Variants in APBB2 observed in about 807,000 individuals in gnomAD.
APBB2 encodes amyloid beta precursor protein binding family B member 2.
In APBB2, 38 loss-of-function variants were observed where a neutral mutation model predicts 82.5. The ratio of observed to expected loss-of-function variants is 0.46; its 90% CI spans 0.36 to 0.60. The LOEUF is 0.60. Ranked by LOEUF, APBB2 falls within the 20% of genes least tolerant of loss-of-function variation. The pLI is 0.00. For missense variants in APBB2, 772 were observed against 972.3 expected, an observed-to-expected ratio of 0.79 and a Z score of 2.74; for synonymous variants, 341 against 368.2, an observed-to-expected ratio of 0.93 and a Z score of 0.85.
intron 12 of APBB2, among the ~76,000 whole-genome samples, chr4:40,850,937 C>A (rs1021368394): frequency 2.0e-5 from 3 of 152,162 alleles, no homozygotes; most frequent in South Asian, 4.2e-4. Context: ...CTGAGTGAGA[C>A]CCCGTCTCAA....
chr4:41,138,423 G>T (rs752556767), intron 2 of APBB2, among the ~76,000 whole-genome samples: 1 of 152,058 alleles, frequency 6.6e-6, no homozygotes, highest in Non-Finnish European at 1.5e-5. Context: ...TTGTTGGGGG[G>T]AAAGACACCA....
intron 6 of APBB2, among the ~76,000 whole-genome samples, chr4:40,992,681 G>T (rs872179): frequency 0.42 from 64,019 of 151,826 alleles, 13,988 homozygotes; most frequent in East Asian, 0.67. Context: ...GAAGTAACGC[G>T]GGAAGTATGA....
chr4:41,191,879 C>T (rs1774538912), intron 1 of APBB2, among the ~76,000 whole-genome samples: 1 of 152,256 alleles, frequency 6.6e-6, no homozygotes, highest in South Asian at 2.1e-4. Flanking sequence ...AAACCATATA[C>T]CTAATATGGC....
chr4:40,926,682 A>T (rs1041959232), intron 10 of APBB2, among the ~76,000 whole-genome samples: 1 of 152,102 alleles, frequency 6.6e-6, no homozygotes, highest in African/African-American at 2.4e-5. Context: ...CGAAATCTTG[A>T]CCTCAGGTGA....
chr4:41,187,182 T>C (rs1388377865), intron 1 of APBB2, among the ~76,000 whole-genome samples: 1 of 152,196 alleles, frequency 6.6e-6, no homozygotes, highest in Non-Finnish European at 1.5e-5. Context: ...AGATCTCAGG[T>C]AGCAAAAGGC....
chr4:40,980,905 C>G (rs982322289), intron 6 of APBB2, among the ~76,000 whole-genome samples: 1 of 152,162 alleles, frequency 6.6e-6, no homozygotes, highest in African/African-American at 2.4e-5. Flanking sequence ...GAGAGAACCA[C>G]CTGCATTAGA....
intron 10 of APBB2, among the ~76,000 whole-genome samples, chr4:40,916,571 T>C (rs969085235): frequency 1.3e-5 from 2 of 152,178 alleles, no homozygotes; most frequent in Admixed American, 6.5e-5. Flanking sequence ...ACTTATGTGG[T>C]TGGATTTTGT....
chr4:41,174,198 CTGAGA>C (rs1274972939), intron 1 of APBB2, among the ~76,000 whole-genome samples: 4 of 152,200 alleles, frequency 2.6e-5, no homozygotes, highest in Non-Finnish European at 5.9e-5. Flanking sequence ...GAATCAACTA[CTGAGA>C]TTTCTTAAGA....
chr4:40,825,910 A>G lies in APBB2; in HGVS notation c.1793T>C (p.Met598Thr), dbSNP rs766764491. The change falls in exon 15 of 18, where the codon ATG (methionine) becomes ACG (threonine). Residue 598 changes from methionine (M) to threonine (T), a missense_variant. By Grantham distance (81) the Met-to-Thr change is moderately conservative (BLOSUM62 -1). Transcript: ENST00000508593. The stretch of plus-strand genomic sequence containing the variant: ...ACCGACTGGTTTGTCTACAGGTAAC[A>G]TGCCCAAGTACTGCACGTGGAACTT... ...VQKFHVQYLG[M>T]LPVDKPVGMD... The G allele has an allele frequency of 1.5e-5, 24 of 1,613,984 alleles. No homozygotes were observed. Among genetic ancestry groups the G allele is most frequent in the African/African-American group, 4.0e-5 (3 of 74,922 alleles).
intron 1 of APBB2, among the ~76,000 whole-genome samples, chr4:41,200,645 C>T (rs1042129646): frequency 2.0e-5 from 3 of 152,118 alleles, no homozygotes; most frequent in Admixed American, 6.5e-5. Flanking sequence ...AAGAAAACAT[C>T]GCAATACCAG....
intron 5 of APBB2, among the ~76,000 whole-genome samples, chr4:41,016,654 A>G (rs1163951167): frequency 6.6e-6 from 1 of 152,044 alleles, no homozygotes; most frequent in African/African-American, 2.4e-5. Context: ...TCTGTCTCAA[A>G]AAACAAAAAA....
chr4:40,871,195 G>A (rs2154340761), intron 12 of APBB2, among the ~76,000 whole-genome samples: 1 of 152,202 alleles, frequency 6.6e-6, no homozygotes, highest in South Asian at 2.1e-4. Context: ...AGGCTAGAGG[G>A]CAATGTTGCA....
chr4:41,036,104 G>A (rs537143602), intron 4 of APBB2, among the ~76,000 whole-genome samples: 19 of 152,258 alleles, frequency 1.2e-4, no homozygotes, highest in Admixed American at 3.9e-4. Flanking sequence ...GCTGCAGTGA[G>A]CTATGATTGC....
chr4:40,951,399 C>G (rs1488292160), intron 6 of APBB2, among the ~76,000 whole-genome samples: 1 of 152,122 alleles, frequency 6.6e-6, no homozygotes, highest in Non-Finnish European at 1.5e-5. Flanking sequence ...TTTTTCAGTA[C>G]CTAAAAGATA....
chr4:41,174,844 A>C (rs1769322236), intron 1 of APBB2, among the ~76,000 whole-genome samples: 1 of 152,216 alleles, frequency 6.6e-6, no homozygotes, highest in African/African-American at 2.4e-5. Flanking sequence ...AAATTTAAAC[A>C]TAAATTTACA....
At chr4:40,854,770 T>G (rs1488212511) in intron 12 of APBB2, among the ~76,000 whole-genome samples, 1 of 117,878 alleles carries the variant, frequency 8.5e-6, no homozygotes, top group Admixed American at 1.0e-4. Context: ...GCCTGGGCGA[T>G]AAGAGCGAAA....
chr4:41,033,621 C>CACACACACACAA (rs3222357), intron 4 of APBB2, among the ~76,000 whole-genome samples: 1 of 141,562 alleles, frequency 7.1e-6, no homozygotes, highest in South Asian at 2.3e-4. Flanking sequence ...CACACACACA[C>CACACACACACAA]AATTCAGCAC....
chr4:40,907,340 A>T (rs963383137), intron 10 of APBB2, among the ~76,000 whole-genome samples: 4 of 119,866 alleles, frequency 3.3e-5, no homozygotes, highest in East Asian at 2.5e-4. Context: ...ATTTAATTTA[A>T]TATATTACAT....
At chr4:41,198,289 G>GGAAA in intron 1 of APBB2, among the ~76,000 whole-genome samples, 1 of 152,274 alleles carries the variant, frequency 6.6e-6, no homozygotes, top group East Asian at 1.9e-4. Context: ...GATGGATCTA[G>GGAAA]GAAAGCAGGG....
Sources: allele counts gnomAD v4.1 joint callset (sites outside exome capture counted in the v4.1 genomes callset), GRCh38; gene constraint gnomAD v4.1.1; transcripts MANE v1.5; gene names NCBI Gene and HGNC (gene_info 2026-07-23, HGNC 2026-07-21).